The following CCDC186 variants were observed in gnomAD, a reference collection of about 807,000 sequenced individuals.
CCDC186 encodes the protein coiled-coil domain containing 186, also known as coiled-coil domain-containing protein 186.
CCDC186 carries 49 observed loss-of-function variants against 113.7 expected under a neutral mutation model. The ratio of observed to expected loss-of-function variants is 0.43; its 90% CI spans 0.34 to 0.55. The LOEUF (loss-of-function observed/expected upper bound fraction) is 0.55. Ranked by LOEUF, CCDC186 falls within the 20% of genes least tolerant of loss-of-function variation. CCDC186 has a pLI of 0.02. For missense variants in CCDC186, 890 were observed against 1,011.1 expected (o/e 0.88, Z 1.62); for synonymous variants, 355 against 345.8 (o/e 1.03, Z -0.30).
chr10:114,173,254 G>A (rs1361060813), intron 1 of CCDC186: 5 of 454,316 alleles, frequency 1.1e-5, no homozygotes, highest in Non-Finnish European at 2.2e-5. Context: ...TCGAAATCCA[G>A]GACTTTTTCC....
chr10:114,127,388 T>C, intron 14 of CCDC186, 73 bp downstream of exon 14: 1 of 1,389,964 alleles, frequency 7.2e-7, no homozygotes. Flanking sequence ...TATGACTAAT[T>C]TTAAAAACAG....
intron 9 of CCDC186, 123 bp downstream of exon 9, chr10:114,135,768 A>G: frequency 4.0e-6 from 3 of 755,016 alleles, no homozygotes; most frequent in Non-Finnish European, 6.4e-6. Context: ...TACTCTACTG[A>G]GTTCCTTTAT....
intron 2 of CCDC186, among the ~76,000 whole-genome samples, chr10:114,159,827 T>C (rs1353543956): frequency 6.6e-6 from 1 of 151,920 alleles, no homozygotes; most frequent in Non-Finnish European, 1.5e-5. Flanking sequence ...CTGAGCCTAG[T>C]GGTGCGCACC....
Position 114,162,915 on chromosome 10 carries a change from T to A in CCDC186, c.354A>T (p.Ile118=), listed in dbSNP as rs763436490. The change falls in exon 2 of 16, where the codon ATA becomes ATT. Residue 118 remains isoleucine (I), a synonymous_variant. Transcript: ENST00000369287. ...ATGTAGATGACCTTAATTCCACCAATATTTGTGTTACTTTCTGTTCTGTTT... is the reference window on the plus strand; with the variant it reads ...ATGTAGATGACCTTAATTCCACCAAAATTTGTGTTACTTTCTGTTCTGTTT... ...TNETEQKVTQ[I]LVELRSSTFP... is the part of the protein sequence containing the mutation. The A allele has an allele frequency of 1.3e-5, 21 of 1,613,548 alleles. No homozygotes were observed. Among genetic ancestry groups the A allele is most frequent in the Non-Finnish European group, 1.8e-5 (21 of 1,179,886 alleles).
intron 3 of CCDC186, among the ~76,000 whole-genome samples, chr10:114,154,757 T>C (rs113459680): frequency 1.7e-4 from 26 of 152,306 alleles, no homozygotes; most frequent in Admixed American, 1.2e-3. Context: ...ACATAAAAAC[T>C]AGCACGTGAA....
Position 114,165,615 on chromosome 10 carries a change from G to A in CCDC186, c.-61-2286C>T, listed in dbSNP as rs886563309. 2.6e-5 allele frequency among the ~76,000 whole-genome samples: 4 copies of A among 152,054 alleles called. No individual in the cohort carries two copies. The East Asian group carries it at 5.8e-4, about 22-fold the overall frequency. The stretch of plus-strand genomic sequence containing the variant: ...CTGAGGCAGAGAACTGCTTGAACCC[G>A]GAAGGCAGAGGTTGCAGTGAGCCAA... On this transcript the variant is annotated intron_variant, in intron 1 of 15. Coordinates refer to ENST00000369287, the MANE Select transcript of CCDC186 (RefSeq NM_018017.4).
intron 1 of CCDC186, chr10:114,173,268 A>T (rs771432670): frequency 4.4e-6 from 2 of 453,942 alleles, no homozygotes; most frequent in Non-Finnish European, 4.4e-6. Flanking sequence ...TTTTTCCTCT[A>T]AACAAAATCA....
At chr10:114,164,114 ATTTTTTTTT>A (rs35615169) in intron 1 of CCDC186, among the ~76,000 whole-genome samples, 36 of 79,182 alleles carry the variant, frequency 4.5e-4, no homozygotes, top group Non-Finnish European at 7.9e-4. Flanking sequence ...ATATATATAT[ATTTTTTTTT>A]TTTTTTTTTT....
rs2030753590 is a variant in CCDC186, at chr10:114,122,383, C to T, written c.*2760G>A. On this transcript the variant is annotated 3_prime_UTR_variant, in exon 16 of 16. Coordinates refer to ENST00000369287, the MANE Select transcript of CCDC186 (RefSeq NM_018017.4). The stretch of plus-strand genomic sequence containing the variant: ...TCTGCCCAAACCTACCATTTTCAGT[C>T]CTTAAAACTAAACAGGCTAAAGTCT... 6.6e-6 allele frequency: 1 copy of T among 152,092 alleles called. No individual in the cohort carries two copies. The highest frequency in any genetic ancestry group is 1.5e-5 in the Non-Finnish European group (1 of 68,008). 9.4% of individuals were successfully genotyped at this position (152,092 alleles called of 1,614,324 possible).
In CCDC186 at chr10:114,149,649, G is replaced by A. The variant is rs1280683136; in HGVS notation, c.888+1443C>T. 5.4e-5 allele frequency among the ~76,000 whole-genome samples: 6 copies of A among 110,862 alleles called. 1 individual carries two copies. Among genetic ancestry groups the A allele is most frequent in the South Asian group, 7.3e-4 (2 of 2,746 alleles). The allele number at this position is 110,862 out of a possible 152,430, so 72.7% of individuals were successfully genotyped here. A position where few individuals can be genotyped will look rare whatever the true frequency, so the allele number is the denominator to read the frequency against. Reference sequence around the variant, plus strand: ...AAAGGGAGGGGAGGGGAGGGAATGCGAAGGAAGGAAGGAAGGAAAGGAGGG... The same window carrying A: ...AAAGGGAGGGGAGGGGAGGGAATGCAAAGGAAGGAAGGAAGGAAAGGAGGG... On this transcript the variant is annotated intron_variant, in intron 4 of 15. Transcript: ENST00000369287.
intron 10 of CCDC186, among the ~76,000 whole-genome samples, chr10:114,134,139 T>C (rs769319251): frequency 3.0e-4 from 46 of 152,214 alleles, no homozygotes; most frequent in African/African-American, 1.1e-3. Context: ...AGGCAGTTCA[T>C]GGGACTGATG....
At chr10:114,140,984 G>A (rs2031449813) in intron 6 of CCDC186, among the ~76,000 whole-genome samples, 1 of 151,212 alleles carries the variant, frequency 6.6e-6, no homozygotes, top group Admixed American at 6.6e-5. Flanking sequence ...TTCAACTCCT[G>A]GGCTCAAGTG....
chr10:114,147,392 C>G (rs1182227541), intron 4 of CCDC186, among the ~76,000 whole-genome samples: 2 of 152,044 alleles, frequency 1.3e-5, no homozygotes, highest in Non-Finnish European at 2.9e-5. Flanking sequence ...GTAAAAGATG[C>G]TATACTTGAG....
Position 114,155,018 on chromosome 10 carries a change from C to A in CCDC186, c.759+2536G>T, listed in dbSNP as rs551428282. Among the ~76,000 whole-genome samples, 153 of 152,202 alleles carry A rather than the reference C, an allele frequency of 1.0e-3. 1 individual carries two copies. Among genetic ancestry groups the A allele is most frequent in the African/African-American group, 3.2e-3 (134 of 41,536 alleles). ...ATTATATAATTCCATTTATATGAAA[C>A]GTCCAGAACAGGCAAATATATAGAG... On this transcript the variant is annotated intron_variant, in intron 3 of 15. Coordinates refer to ENST00000369287, the MANE Select transcript of CCDC186 (RefSeq NM_018017.4).
At chr10:114,156,255 G>T (rs2032007521) in intron 3 of CCDC186, among the ~76,000 whole-genome samples, 1 of 152,166 alleles carries the variant, frequency 6.6e-6, no homozygotes, top group Non-Finnish European at 1.5e-5. Context: ...ATTGTTTACT[G>T]TTATTTTCAT....
At chr10:114,155,652 GC>G (rs1402745721) in intron 3 of CCDC186, among the ~76,000 whole-genome samples, 1 of 151,814 alleles carries the variant, frequency 6.6e-6, no homozygotes, top group Non-Finnish European at 1.5e-5. Context: ...CCCAGCCTGG[GC>G]AACAAGAGCG....
chr10:114,136,229 T>C lies in CCDC186; in HGVS notation c.1344A>G (p.Lys448=). The change falls in exon 8 of 16, where the codon AAA becomes AAG. Residue 448 remains lysine, a synonymous_variant. Coordinates refer to ENST00000369287, the MANE Select transcript of CCDC186 (RefSeq NM_018017.4). ...IKTYQESEEI[K]SNELDAKLRV... is the part of the protein sequence containing the mutation. ...TAAGCTTTGCATCAAGCTCATTTGA[T>C]TTAATTTCTTCTGACTCCTAGTGGA... 6.2e-7 allele frequency: 1 copy of C among 1,611,348 alleles called. No individual in the cohort carries two copies. The highest frequency in any genetic ancestry group is 8.5e-7 in the Non-Finnish European group (1 of 1,179,608).
rs34377537 is a variant in CCDC186, at chr10:114,157,178, A to ATT, written c.759+374_759+375dup. ...TCCAACCTACATGCAAGTTTTCAGA[A>ATT]TTTTTTTTTTTTTTTTTTTTTTTGA... On this transcript the variant is annotated intron_variant, in intron 3 of 15. Transcript: ENST00000369287. Among the ~76,000 whole-genome samples the ATT allele has an allele frequency of 5.1e-3, 617 of 121,076 alleles. 4 individuals carry two copies. Among genetic ancestry groups the ATT allele is most frequent in the Middle Eastern group, 9.8e-3 (2 of 204 alleles). The allele number at this position is 121,076 out of a possible 152,430, so 79.4% of individuals were successfully genotyped here. A position where few individuals can be genotyped will look rare whatever the true frequency, so the allele number is the denominator to read the frequency against.
intron 10 of CCDC186, among the ~76,000 whole-genome samples, chr10:114,134,520 G>T (rs2031193690): frequency 6.6e-6 from 1 of 152,154 alleles, no homozygotes; most frequent in African/African-American, 2.4e-5. Context: ...TTACTTAAAT[G>T]GTTTTATAAG....
Sources: allele counts gnomAD v4.1 joint callset (sites outside exome capture counted in the v4.1 genomes callset), GRCh38; gene constraint gnomAD v4.1.1; transcripts MANE v1.5; gene names NCBI Gene and HGNC (gene_info 2026-07-23, HGNC 2026-07-21).